Variants in ANKRD6 observed in about 807,000 individuals in gnomAD.
The protein encoded by ANKRD6 is ankyrin repeat domain-containing protein 6.
In ANKRD6, 56 loss-of-function variants were observed where a neutral mutation model predicts 82.3. That is an observed-to-expected ratio of 0.68 (90% CI 0.55 to 0.85). ANKRD6 has a LOEUF of 0.85. Among genes scored for constraint, ANKRD6 ranks in the 40% least tolerant of loss-of-function variants. ANKRD6 has a pLI of 0.00. For missense variants in ANKRD6, 852 were observed against 907.6 expected (o/e 0.94, Z 0.79); for synonymous variants, 347 against 352.1 (o/e 0.99, Z 0.16).
intron 1 of ANKRD6, among the ~76,000 whole-genome samples, chr6:89,513,198 A>C (rs913171552): frequency 2.4e-4 from 37 of 152,206 alleles, no homozygotes; most frequent in African/African-American, 8.2e-4. Context: ...ACCACTGTGC[A>C]TGGCTGTCAT....
At chr6:89,530,819 A>G (rs1783053856) in intron 1 of ANKRD6, among the ~76,000 whole-genome samples, 1 of 152,216 alleles carries the variant, frequency 6.6e-6, no homozygotes, top group South Asian at 2.1e-4. Context: ...TAACAGCTAC[A>G]TTGGTATCTC....
At chr6:89,473,292 T>G (rs1304360391) in intron 1 of ANKRD6, among the ~76,000 whole-genome samples, 8 of 151,322 alleles carry the variant, frequency 5.3e-5, no homozygotes, top group Non-Finnish European at 1.0e-4. Flanking sequence ...ATGCCCATAA[T>G]CCCAGCTACT....
chr6:89,621,575 C>T (rs1234145004), intron 9 of ANKRD6: 6 of 251,492 alleles, frequency 2.4e-5, no homozygotes, highest in Admixed American at 5.0e-5. Context: ...CTCCAGGAGA[C>T]GCCATTCATA....
intron 1 of ANKRD6, among the ~76,000 whole-genome samples, chr6:89,442,815 A>T (rs918484050): frequency 2.0e-5 from 3 of 152,148 alleles, no homozygotes; most frequent in African/African-American, 7.2e-5. Flanking sequence ...CTTATTATGT[A>T]GGTGAAGTCT....
intron 1 of ANKRD6, among the ~76,000 whole-genome samples, chr6:89,477,214 G>T (rs902796561): frequency 6.6e-6 from 1 of 152,068 alleles, no homozygotes; most frequent in African/African-American, 2.4e-5. Flanking sequence ...AAAGTGCTGG[G>T]ATTACAGGCG....
intron 5 of ANKRD6, among the ~76,000 whole-genome samples, chr6:89,611,427 C>T (rs9451253): frequency 0.25 from 38,029 of 152,204 alleles, 5,410 homozygotes; most frequent in African/African-American, 0.36. Flanking sequence ...TGTCACCTAT[C>T]ACACGGCCTT....
chr6:89,546,891 C>T lies in ANKRD6; in HGVS notation c.-143-19943C>T, dbSNP rs556879859. 1.2e-4 allele frequency among the ~76,000 whole-genome samples: 19 copies of T among 152,316 alleles called. No homozygotes were observed. The East Asian group carries it at 3.5e-3, about 28-fold the overall frequency. ...CAAGATGAGCGCCTGCAGTCAGCCC[C>T]TCTCTAGTCCTTGGCACTTACAGGA... On this transcript the variant is annotated intron_variant, in intron 1 of 15. Coordinates refer to ENST00000339746, the MANE Select transcript of ANKRD6 (RefSeq NM_001242809.2).
chr6:89,571,235 A>G (rs1368038889), intron 2 of ANKRD6, among the ~76,000 whole-genome samples: 4 of 151,660 alleles, frequency 2.6e-5, no homozygotes, highest in Non-Finnish European at 5.9e-5. Context: ...TTTTATTTTT[A>G]GTAGAGATAA....
rs572179997 is a variant in ANKRD6, at chr6:89,622,152, G to A, written c.897+126G>A. 5.2e-6 allele frequency: 4 copies of A among 776,690 alleles called. No individual in the cohort carries two copies. The South Asian group carries it at 7.3e-5, about 14-fold the overall frequency. 48.1% of individuals were successfully genotyped at this position (776,690 alleles called of 1,614,324 possible). On this transcript the variant is annotated intron_variant, in intron 10 of 15. Transcript: ENST00000339746. ...CTCTCTGCCTCTCCTCCTTGCTGGA[G>A]CTCTTCAAACTGTTGCCAGTCTTTT...
At chr6:89,586,679 T>C (rs1457530151) in intron 2 of ANKRD6, among the ~76,000 whole-genome samples, 1 of 151,446 alleles carries the variant, frequency 6.6e-6, no homozygotes, top group Non-Finnish European at 1.5e-5. Context: ...AAAGCAAGAC[T>C]GTCTTGGGGG....
rs182298411 is a variant in ANKRD6, at chr6:89,446,943, A to T, written c.-144+13568A>T. ...GGAGGTGTTTGCTTCCTCTTCTGCC[A>T]TGATTGTGAGTTTCCTGAGGGTTCC... On this transcript the variant is annotated intron_variant, in intron 1 of 15. Coordinates refer to ENST00000339746, the MANE Select transcript of ANKRD6 (RefSeq NM_001242809.2). Among the ~76,000 whole-genome samples, 240 of 152,198 alleles carry T rather than the reference A, an allele frequency of 1.6e-3. 1 individual carries two copies. Among genetic ancestry groups the T allele is most frequent in the Non-Finnish European group, 2.9e-3 (197 of 68,000 alleles).
chr6:89,530,105 A>G (rs1392222499), intron 1 of ANKRD6, among the ~76,000 whole-genome samples: 1 of 151,880 alleles, frequency 6.6e-6, no homozygotes, highest in African/African-American at 2.4e-5. Context: ...AGATACAAAA[A>G]TTAGTTGGGC....
chr6:89,487,540 A>G (rs372187728), intron 1 of ANKRD6, among the ~76,000 whole-genome samples: 9 of 152,358 alleles, frequency 5.9e-5, no homozygotes, highest in Admixed American at 4.6e-4. Context: ...TCTTCCTTCT[A>G]ACATTCTGTG....
At chr6:89,559,298 TC>T (rs1406052492) in intron 1 of ANKRD6, among the ~76,000 whole-genome samples, 1 of 152,220 alleles carries the variant, frequency 6.6e-6, no homozygotes, top group Non-Finnish European at 1.5e-5. Context: ...TCTTGCTGTT[TC>T]CTCTGCCTGT....
At chr6:89,593,104 G>T (rs1166215656) in intron 2 of ANKRD6, among the ~76,000 whole-genome samples, 1 of 152,096 alleles carries the variant, frequency 6.6e-6, no homozygotes, top group Admixed American at 6.5e-5. Flanking sequence ...TGGGTCTGTT[G>T]GCCTCTTTCC....
Position 89,623,895 on chromosome 6 carries a change from C to G in ANKRD6, c.1056C>G (p.Thr352=). 2 of 1,613,468 alleles carry G rather than the reference C, an allele frequency of 1.2e-6. No homozygotes were observed. Among genetic ancestry groups the G allele is most frequent in the Non-Finnish European group, 1.7e-6 (2 of 1,179,618 alleles). The change falls in exon 12 of 16, where the codon ACC becomes ACG. Residue 352 remains threonine, a synonymous_variant. Coordinates refer to ENST00000339746, the MANE Select transcript of ANKRD6 (RefSeq NM_001242809.2). ...AGGTGTCAGCATTTTCTGACCCCAC[C>G]CCACCAGCCGACCAACAGCCTGGAC... ...RPKVSAFSDP[T]PPADQQPGHQ...
At position 89,622,135 on chromosome 6, in the gene ANKRD6, C is replaced by T. The variant is rs887785291; in HGVS notation, c.897+109C>T. 8 of 888,632 alleles carry T rather than the reference C, an allele frequency of 9.0e-6. No individual in the cohort carries two copies. The South Asian group carries it at 1.4e-4, about 15-fold the overall frequency. 55.0% of individuals were successfully genotyped at this position (888,632 alleles called of 1,614,324 possible). On this transcript the variant is annotated intron_variant, in intron 10 of 15. Coordinates refer to ENST00000339746, the MANE Select transcript of ANKRD6 (RefSeq NM_001242809.2). ...CTGGTGGCTGCCCGGCCCTCTCTGCCTCTCCTCCTTGCTGGAGCTCTTCAA... is the reference window on the plus strand; with the variant it reads ...CTGGTGGCTGCCCGGCCCTCTCTGCTTCTCCTCCTTGCTGGAGCTCTTCAA...
intron 1 of ANKRD6, among the ~76,000 whole-genome samples, chr6:89,462,075 T>TA (rs1774218369): frequency 6.6e-6 from 1 of 151,510 alleles, no homozygotes; most frequent in Non-Finnish European, 1.5e-5. Flanking sequence ...CTACTAAAAA[T>TA]ACAAAAATTA....
chr6:89,442,609 C>T (rs534690859), intron 1 of ANKRD6, among the ~76,000 whole-genome samples: 1 of 146,898 alleles, frequency 6.8e-6, no homozygotes, highest in East Asian at 2.1e-4. Context: ...AGTGTCAGAC[C>T]CTGGGCAACA....
Sources: gnomAD v4.1 joint callset for allele counts (sites outside exome capture counted in the v4.1 genomes callset) on GRCh38, gnomAD v4.1.1 for gene constraint, MANE v1.5 for transcripts, NCBI Gene and HGNC (gene_info 2026-07-23, HGNC 2026-07-21) for gene names.